NOL10: variants seen among roughly 807,000 people sequenced by gnomAD.
The protein encoded by NOL10 is H_NH0074G24.1.
NOL10 carries 58 observed loss-of-function variants against 103.5 expected under a neutral mutation model. That is an observed-to-expected ratio of 0.56 (90% CI 0.45 to 0.70). The LOEUF (loss-of-function observed/expected upper bound fraction) is 0.70, where lower values mean the gene tolerates loss of function less well. Among genes scored for constraint, NOL10 ranks in the 30% least tolerant of loss-of-function variants. NOL10 has a pLI of 0.00. For synonymous variants in NOL10, 287 were observed against 282.5 expected, an observed-to-expected ratio of 1.02 and a Z score of -0.16; for missense variants, 763 against 807.3, an observed-to-expected ratio of 0.95 and a Z score of 0.67.
intron 13 of NOL10, among the ~76,000 whole-genome samples, chr2:10,625,074 A>G (rs1224807388): frequency 6.6e-6 from 1 of 152,244 alleles, no homozygotes; most frequent in Non-Finnish European, 1.5e-5. Flanking sequence ...GAAAAAAGCA[A>G]AACTAGAGAC....
At chr2:10,629,433 CAA>C (rs1030182316) in intron 13 of NOL10, among the ~76,000 whole-genome samples, 5 of 151,420 alleles carry the variant, frequency 3.3e-5, no homozygotes, top group African/African-American at 1.2e-4. Context: ...GGAAAAAAAA[CAA>C]GATAAGAAAC....
intron 12 of NOL10, among the ~76,000 whole-genome samples, chr2:10,646,472 G>A (rs903096523): frequency 4.6e-5 from 7 of 152,092 alleles, no homozygotes; most frequent in South Asian, 2.1e-4. Context: ...AACCACATAC[G>A]GCTAATGATA....
At chr2:10,621,481 G>A (rs989213566) in intron 13 of NOL10, among the ~76,000 whole-genome samples, 1 of 152,114 alleles carries the variant, frequency 6.6e-6, no homozygotes. Context: ...GTAGTCCTGG[G>A]TACTTGGGAG....
chr2:10,588,130 C>T (rs1675209472), intron 19 of NOL10, among the ~76,000 whole-genome samples: 1 of 152,200 alleles, frequency 6.6e-6, no homozygotes, highest in Admixed American at 6.5e-5. Context: ...TTGGGCTTGA[C>T]ACCTAGCTTG....
At chr2:10,589,017 C>A (rs542728695) in intron 19 of NOL10, 26 bp downstream of exon 19, 11 of 1,610,892 alleles carry the variant, frequency 6.8e-6, no homozygotes, top group Non-Finnish European at 9.3e-6. Flanking sequence ...TACATGTCAA[C>A]TGTGCGCTCA....
chr2:10,682,103 A>C (rs1681805323), intron 2 of NOL10, 34 bp from the exon 3 acceptor site: 1 of 969,712 alleles, frequency 1.0e-6, no homozygotes, highest in African/African-American at 1.7e-5. Flanking sequence ...TAGTTTAACT[A>C]ACATGTGCTT....
chr2:10,638,514 T>TA (rs1464147009), intron 13 of NOL10, among the ~76,000 whole-genome samples: 2 of 111,926 alleles, frequency 1.8e-5, no homozygotes, highest in Non-Finnish European at 3.7e-5. Context: ...TTTTTTGAGA[T>TA]AGAGTCTCAC....
chr2:10,679,626 CTCTT>C (rs764418613), intron 3 of NOL10, among the ~76,000 whole-genome samples: 60 of 97,316 alleles, frequency 6.2e-4, no homozygotes, highest in Admixed American at 1.7e-3. Context: ...CTCTTTCTCT[CTCTT>C]TCTTTCTTTC....
chr2:10,598,240 T>G (rs1360752909), intron 17 of NOL10, among the ~76,000 whole-genome samples: 2 of 152,204 alleles, frequency 1.3e-5, no homozygotes, highest in Admixed American at 6.5e-5. Context: ...GACCGGACAC[T>G]GCATCAGGCG....
intron 1 of NOL10, among the ~76,000 whole-genome samples, chr2:10,686,515 A>G (rs1170516297): frequency 2.0e-5 from 3 of 152,168 alleles, no homozygotes; most frequent in African/African-American, 7.2e-5. Context: ...GAGCCACTGG[A>G]CAGTTCTGAG....
At chr2:10,675,678 A>C in intron 4 of NOL10, 116 bp downstream of exon 4, 2 of 606,512 alleles carry the variant, frequency 3.3e-6, no homozygotes, top group Admixed American at 6.3e-5. Context: ...ATTGTAGTAC[A>C]GTAATTTGTT....
chr2:10,632,292 A>G (rs1677901004), intron 13 of NOL10, among the ~76,000 whole-genome samples: 1 of 152,242 alleles, frequency 6.6e-6, no homozygotes, highest in South Asian at 2.1e-4. Context: ...TAAAGAAGTA[A>G]ATAAACGAAG....
chr2:10,626,329 C>T (rs1391450811), intron 13 of NOL10, among the ~76,000 whole-genome samples: 1 of 152,048 alleles, frequency 6.6e-6, no homozygotes, highest in Non-Finnish European at 1.5e-5. Flanking sequence ...ACAAAGTTCC[C>T]GCCTTGTGGA....
chr2:10,627,038 T>G (rs923618582), intron 13 of NOL10, among the ~76,000 whole-genome samples: 1 of 152,216 alleles, frequency 6.6e-6, no homozygotes, highest in Non-Finnish European at 1.5e-5. Context: ...GGATATCCTT[T>G]GTTGAGAAAA....
At position 10,657,855 on chromosome 2, in the gene NOL10, G is replaced by A; in HGVS notation, c.793C>T (p.Leu265=). ...AGCCCATACTGGTGATCTTTAACTA[G>A]CAATGGCTTATCAGATCGAAGGTCA... The part of the protein sequence containing the change: ...LYDLRSDKPL[L]VKDHQYGLPI... Residue 265 remains leucine, a synonymous_variant, in exon 11 of 21, where the codon CTA becomes TTA. Transcript: ENST00000381685. 1 of 1,548,514 alleles carries A rather than the reference G, an allele frequency of 6.5e-7. No individual in the cohort carries two copies. Among genetic ancestry groups the A allele is most frequent in the East Asian group, 2.5e-5 (1 of 40,810 alleles).
Position 10,671,593 on chromosome 2 carries a change from T to C in NOL10, c.425A>G (p.Tyr142Cys), listed in dbSNP as rs769999313. The C allele has an allele frequency of 1.9e-6, 3 of 1,604,856 alleles. No individual in the cohort carries two copies. The highest frequency in any genetic ancestry group is 2.6e-6 in the Non-Finnish European group (3 of 1,175,508). ...RIPKFGRDFS[Y>C]HYPSCDLYFV... ...GTACAAGTCACAGGATGGATAGTGGTAAGAGAAATCTCTCCCAAACTTTGG... is the reference window on the plus strand; with the variant it reads ...GTACAAGTCACAGGATGGATAGTGGCAAGAGAAATCTCTCCCAAACTTTGG... Residue 142 changes from tyrosine (Y) to cysteine (C), a missense_variant, in exon 6 of 21, where the codon TAC becomes TGC. Transcript: ENST00000381685.
At chr2:10,594,525 G>A (rs999119849) in intron 17 of NOL10, among the ~76,000 whole-genome samples, 1 of 152,142 alleles carries the variant, frequency 6.6e-6, no homozygotes, top group Admixed American at 6.6e-5. Flanking sequence ...ATAAGCATAA[G>A]TCTAACCTAT....
At chr2:10,656,761 A>T (rs1367218731) in intron 11 of NOL10, among the ~76,000 whole-genome samples, 2 of 152,192 alleles carry the variant, frequency 1.3e-5, no homozygotes, top group African/African-American at 4.8e-5. Flanking sequence ...CACAAATGGG[A>T]ATTTTTTAAA....
In NOL10 at chr2:10,643,980, T is replaced by C. The variant is rs377223264; in HGVS notation, c.1026+340A>G. On this transcript the variant is annotated intron_variant, in intron 13 of 20. Coordinates refer to ENST00000381685, the MANE Select transcript of NOL10 (RefSeq NM_024894.4). The stretch of plus-strand genomic sequence containing the variant: ...AAAAAGTATCTTTGGCCGGGAGTGG[T>C]GGCTCACACCTGTAATCCCAGCACT... Among the ~76,000 whole-genome samples the C allele has an allele frequency of 7.0e-4, 107 of 152,322 alleles. 1 individual carries two copies. In the Middle Eastern group the frequency reaches 0.01, roughly 15 times the overall value.
Sources: gnomAD v4.1 joint callset for allele counts (sites outside exome capture counted in the v4.1 genomes callset) on GRCh38, gnomAD v4.1.1 for gene constraint, MANE v1.5 for transcripts, NCBI Gene and HGNC (gene_info 2026-07-23, HGNC 2026-07-21) for gene names.